The following FAM234A variants were observed in gnomAD, a reference collection of about 807,000 sequenced individuals.
The protein encoded by FAM234A is protein FAM234A.
In FAM234A, 42 loss-of-function variants were observed where a neutral mutation model predicts 49.1. That is an observed-to-expected ratio of 0.86 (90% CI 0.67 to 1.11). The LOEUF (loss-of-function observed/expected upper bound fraction) is 1.11, where lower values mean the gene tolerates loss of function less well. Ranked by LOEUF, FAM234A falls within the 50% of genes least tolerant of loss-of-function variation. The pLI is 0.00. For missense variants in FAM234A, 815 were observed against 745.2 expected (o/e 1.09, Z -1.09); for synonymous variants, 369 against 316.2 (o/e 1.17, Z -1.77).
chr16:239,674 G>A (rs193199778), intron 1 of FAM234A, among the ~76,000 whole-genome samples: 2 of 151,812 alleles, frequency 1.3e-5, no homozygotes, highest in African/African-American at 4.8e-5. Context: ...ATCTGCCTTG[G>A]AATTCAGGAG....
downstream of FAM234A, among the ~76,000 whole-genome samples, chr16:268,125 AC>A (rs567084275): frequency 4.9e-4 from 70 of 144,240 alleles, no homozygotes; most frequent in East Asian, 0.012. Context: ...TACACACGAC[AC>A]GTGCACACAC....
chr16:250,031 C>T (rs930298227), intron 2 of FAM234A, among the ~76,000 whole-genome samples: 10 of 152,182 alleles, frequency 6.6e-5, no homozygotes, highest in African/African-American at 2.4e-4. Context: ...CTGCAAGCTC[C>T]ACCTCCCGGG....
intron 1 of FAM234A, among the ~76,000 whole-genome samples, chr16:237,797 C>G (rs2050454432): frequency 6.6e-6 from 1 of 151,566 alleles, no homozygotes; most frequent in South Asian, 2.1e-4. Context: ...TTCCGCCTCC[C>G]TGGTCCAGCT....
chr16:244,765 G>A (rs1030921497), intron 1 of FAM234A, among the ~76,000 whole-genome samples: 2 of 138,780 alleles, frequency 1.4e-5, no homozygotes, highest in African/African-American at 2.8e-5. Context: ...CTTGGCCACT[G>A]CACCCTCTGC....
At position 263,725 on chromosome 16, in the gene FAM234A, CCAGA is replaced by C. The variant is rs1426936879; in HGVS notation, c.1141_1144del (p.Asp381ProfsTer4). On this transcript the variant is annotated frameshift_variant, in exon 10 of 13. Coordinates refer to ENST00000399932, the MANE Select transcript of FAM234A (RefSeq NM_032039.4). LOFTEE classifies it high-confidence loss of function. ...AAAACCCATCTTCGGCCGCTACAAA[CCAGA>C]CACCTTGGCTGTAGCCGTTGAAAAC... The C allele has an allele frequency of 6.2e-7, 1 of 1,613,944 alleles. No homozygotes were observed. The highest frequency in any genetic ancestry group is 8.5e-7 in the Non-Finnish European group (1 of 1,179,942).
In FAM234A at chr16:248,074, C is replaced by G. The variant is rs1433510780; in HGVS notation, c.-139-1475C>G. ...GCTTTGCCTTCTGAAGCCTCTGTTT[C>G]TGTCTTCCCTCACACGTATGTGATA... is the stretch of plus-strand genomic sequence containing the variant. On this transcript the variant is annotated intron_variant, in intron 1 of 12. Coordinates refer to ENST00000399932, the MANE Select transcript of FAM234A (RefSeq NM_032039.4). 2.6e-5 allele frequency among the ~76,000 whole-genome samples: 4 copies of G among 152,068 alleles called. 1 individual carries two copies. The highest frequency in any genetic ancestry group is 9.7e-5 in the African/African-American group (4 of 41,308).
chr16:241,539 T>G (rs1275949694), intron 1 of FAM234A, among the ~76,000 whole-genome samples: 6 of 150,610 alleles, frequency 4.0e-5, no homozygotes, highest in African/African-American at 1.5e-4. Flanking sequence ...CAGTGAGCCA[T>G]GATTGCACCA....
Position 265,382 on chromosome 16 carries a change from C to T in FAM234A, c.*360C>T, listed in dbSNP as rs531203021. 185 of 1,054,476 alleles carry T rather than the reference C, an allele frequency of 1.8e-4. 2 individuals are homozygous for T. The South Asian group carries it at 4.6e-3, about 26-fold the overall frequency. 65.3% of individuals were successfully genotyped at this position (1,054,476 alleles called of 1,614,324 possible). On this transcript the variant is annotated 3_prime_UTR_variant, in exon 13 of 13. Coordinates refer to ENST00000399932, the MANE Select transcript of FAM234A (RefSeq NM_032039.4). ...ATCCTTACCCGGTGCCCTCTCCTTG[C>T]CAGCTTCTCCCCAGGCCAGAGCGGC...
At chr16:251,664 A>G (rs112400930) in intron 2 of FAM234A, among the ~76,000 whole-genome samples, 21 of 134,878 alleles carry the variant, frequency 1.6e-4, no homozygotes, top group Admixed American at 7.8e-5. Context: ...GGCATAAGCC[A>G]CCATGCCTAG....
chr16:268,039 CCTG>C (rs2051751397), downstream of FAM234A, among the ~76,000 whole-genome samples: 2 of 148,090 alleles, frequency 1.4e-5, no homozygotes, highest in African/African-American at 5.0e-5. Flanking sequence ...TCACAGTACA[CCTG>C]CACACGGGTG....
chr16:236,929 A>T lies in FAM234A; in HGVS notation c.-140+2072A>T, dbSNP rs148914514. Among the ~76,000 whole-genome samples, 7 of 150,814 alleles carry T rather than the reference A, an allele frequency of 4.6e-5. No individual in the cohort carries two copies. The East Asian group carries it at 1.4e-3, about 29-fold the overall frequency. On this transcript the variant is annotated intron_variant, in intron 1 of 12. Transcript: ENST00000399932. ...AAAAAATAAAATAAAATAAATAAATAAATTATTTTGTAGGGATGGGGTCTC... is the reference window on the plus strand; with the variant it reads ...AAAAAATAAAATAAAATAAATAAATTAATTATTTTGTAGGGATGGGGTCTC...
At position 241,745 on chromosome 16, in the gene FAM234A, A is replaced by G. The variant is rs7184746; in HGVS notation, c.-140+6888A>G. On this transcript the variant is annotated intron_variant, in intron 1 of 12. Transcript: ENST00000399932. ...ATCCTGGCTAACACAGTGAAACCCCATCTCTACTAAAAATACAAAAAATTA... is the reference window on the plus strand; with the variant it reads ...ATCCTGGCTAACACAGTGAAACCCCGTCTCTACTAAAAATACAAAAAATTA... 9.2e-3 allele frequency among the ~76,000 whole-genome samples: 1,388 copies of G among 151,514 alleles called. 14 individuals carry two copies. The highest frequency in any genetic ancestry group is 0.03 in the South Asian group (144 of 4,772).
chr16:261,107 C>T (rs747293459), intron 5 of FAM234A: 16 of 349,476 alleles, frequency 4.6e-5, no homozygotes, highest in Non-Finnish European at 7.0e-5. Context: ...GGGAACTCTG[C>T]GGTTCCCAGG....
At chr16:239,982 T>C (rs2050554561) in intron 1 of FAM234A, among the ~76,000 whole-genome samples, 1 of 152,172 alleles carries the variant, frequency 6.6e-6, no homozygotes, top group African/African-American at 2.4e-5. Flanking sequence ...GAGAGAGAAA[T>C]AGCTGCTTGC....
In FAM234A at chr16:262,168, A is replaced by G. The variant is rs1290171859; in HGVS notation, c.784A>G (p.Ser262Gly). ...AGGCAGCCTTGGTGTGGACGGGGAA[A>G]GTGGCTTCCTCCTTCACGTCACCAG... ...LRGSLGVDGE[S>G]GFLLHVTRTG... Residue 262 changes from serine (S) to glycine (G), a missense_variant, in exon 7 of 13, where the codon AGT (serine) becomes GGT (glycine). Coordinates refer to ENST00000399932, the MANE Select transcript of FAM234A (RefSeq NM_032039.4). 6.2e-7 allele frequency: 1 copy of G among 1,613,986 alleles called. No homozygotes were observed. Among genetic ancestry groups the G allele is most frequent in the Non-Finnish European group, 8.5e-7 (1 of 1,180,010 alleles).
intron 2 of FAM234A, among the ~76,000 whole-genome samples, chr16:252,908 C>T (rs1025320588): frequency 1.3e-5 from 2 of 152,180 alleles, no homozygotes; most frequent in Admixed American, 1.3e-4. Context: ...CCTCCCTTTG[C>T]TGTGAACTGT....
Position 259,416 on chromosome 16 carries a change from C to T in FAM234A, c.269-67C>T, listed in dbSNP as rs1161077587. 18 of 911,204 alleles carry T rather than the reference C, an allele frequency of 2.0e-5. No homozygotes were observed. In the East Asian group the frequency reaches 3.6e-4, roughly 18 times the overall value. The allele number at this position is 911,204 out of a possible 1,614,324, so 56.4% of individuals were successfully genotyped here. A position where few individuals can be genotyped will look rare whatever the true frequency, so the allele number is the denominator to read the frequency against. On this transcript the variant is annotated intron_variant, in intron 3 of 12. Transcript: ENST00000399932. ...CCATGTAGCAGAGAAGTAGGTCGTGCTGGACCTGATCGTTCCTGGAAACCA... is the reference window on the plus strand; with the variant it reads ...CCATGTAGCAGAGAAGTAGGTCGTGTTGGACCTGATCGTTCCTGGAAACCA...
Position 265,417 on chromosome 16 carries a change from G to C in FAM234A, c.*395G>C. 1 of 1,015,436 alleles carries C rather than the reference G, an allele frequency of 9.8e-7. No homozygotes were observed. The highest frequency in any genetic ancestry group is 1.2e-6 in the Non-Finnish European group (1 of 850,090). The allele number at this position is 1,015,436 out of a possible 1,614,324, so 62.9% of individuals were successfully genotyped here. On this transcript the variant is annotated 3_prime_UTR_variant, in exon 13 of 13. Transcript: ENST00000399932. ...CCCAGGCCAGAGCGGCCATCGCGTA[G>C]AAAGAACCAGGGTGTCCCCGGGACA...
At chr16:250,898 T>G (rs2050974490) in intron 2 of FAM234A, among the ~76,000 whole-genome samples, 1 of 152,266 alleles carries the variant, frequency 6.6e-6, no homozygotes, top group African/African-American at 2.4e-5. Flanking sequence ...CACTGCATTA[T>G]GGTGTAATTA....
Sources: allele counts gnomAD v4.1 joint callset (sites outside exome capture counted in the v4.1 genomes callset), GRCh38; gene constraint gnomAD v4.1.1; transcripts MANE v1.5; gene names NCBI Gene and HGNC (gene_info 2026-07-23, HGNC 2026-07-21).